Variants in PARP8 observed in about 807,000 individuals in gnomAD.
PARP8 encodes poly(ADP-ribose) polymerase family member 8.
In PARP8, 51 loss-of-function variants were observed where a neutral mutation model predicts 124.1. The ratio of observed to expected loss-of-function variants is 0.41; its 90% CI spans 0.33 to 0.52. PARP8 has a LOEUF of 0.52. PARP8 is among the 20% of genes least tolerant of loss of function. PARP8 has a pLI of 0.21. For missense variants in PARP8, 860 were observed against 1,018.9 expected (o/e 0.84, Z 2.12); for synonymous variants, 391 against 361.5 (o/e 1.08, Z -0.93).
chr5:50,792,016 G>A (rs27462), intron 10 of PARP8, among the ~76,000 whole-genome samples: 152,285 of 152,352 alleles, frequency 1, 76,109 homozygotes, highest in Middle Eastern at 1. Flanking sequence ...GTAAAACAGT[G>A]TGATGTCATC....
intron 22 of PARP8, 94 bp from the exon 23 acceptor site, chr5:50,832,687 T>C (rs532150194): frequency 6.5e-6 from 8 of 1,239,904 alleles, no homozygotes; most frequent in Middle Eastern, 1.9e-4. Flanking sequence ...ATCAAACCTT[T>C]ACCTAGAATG....
chr5:50,745,998 A>G (rs781418262), intron 2 of PARP8, among the ~76,000 whole-genome samples: 1 of 152,138 alleles, frequency 6.6e-6, no homozygotes, highest in Admixed American at 6.5e-5. Context: ...CTGAGGTCCA[A>G]CATCTGCCAT....
chr5:50,786,632 T>C (rs1044269536), intron 9 of PARP8, among the ~76,000 whole-genome samples: 6 of 151,632 alleles, frequency 4.0e-5, no homozygotes, highest in Non-Finnish European at 8.8e-5. Flanking sequence ...CCTCCCAAAG[T>C]ATTGGGGTTA....
intron 2 of PARP8, among the ~76,000 whole-genome samples, chr5:50,674,817 T>C (rs1043953163): frequency 6.6e-6 from 1 of 152,230 alleles, no homozygotes; most frequent in African/African-American, 2.4e-5. Context: ...GTTCATTGTA[T>C]TTTTTCCTTG....
In PARP8 at chr5:50,788,598, G is replaced by A. The variant is rs1170451373; in HGVS notation, c.737+9G>A. ...GGACATCAGCTGAAAAAGTAAGTTT[G>A]CTAAAGTGCAAAAAATAAATTTCTG... On this transcript the variant is annotated intron_variant, in intron 10 of 25. Transcript: ENST00000281631. The A allele has an allele frequency of 1.9e-6, 3 of 1,606,566 alleles. No homozygotes were observed. The highest frequency in any genetic ancestry group is 2.7e-5 in the African/African-American group (2 of 74,704).
intron 2 of PARP8, among the ~76,000 whole-genome samples, chr5:50,733,055 A>G (rs954782941): frequency 6.6e-6 from 1 of 151,906 alleles, no homozygotes; most frequent in Admixed American, 6.5e-5. Flanking sequence ...TAATGCCAGC[A>G]CTTTGGGAGG....
intron 2 of PARP8, chr5:50,668,495 A>G (rs1261348727): frequency 5.8e-6 from 1 of 173,632 alleles, no homozygotes; most frequent in Non-Finnish European, 1.2e-5. Context: ...AAATAGTTTG[A>G]TCAGAAGTGT....
At chr5:50,813,834 GAC>G in intron 14 of PARP8, among the ~76,000 whole-genome samples, 1 of 151,900 alleles carries the variant, frequency 6.6e-6, no homozygotes, top group South Asian at 2.1e-4. Flanking sequence ...CACGCACACA[GAC>G]ACGCACACAC....
Position 50,798,664 on chromosome 5 carries a change from C to T in PARP8, c.1575+1431C>T, listed in dbSNP as rs372802935. Among the ~76,000 whole-genome samples, 50 of 152,204 alleles carry T rather than the reference C, an allele frequency of 3.3e-4. 1 individual carries two copies. The East Asian group carries it at 7.2e-3, about 22-fold the overall frequency. On this transcript the variant is annotated intron_variant, in intron 14 of 25. Transcript: ENST00000281631. Reference sequence around the variant, plus strand: ...GTCTCGATCTCCTGACCTTGTGATTCACCAGCCTCGGCCTCCCAAAGTGTT... The same window carrying T: ...GTCTCGATCTCCTGACCTTGTGATTTACCAGCCTCGGCCTCCCAAAGTGTT...
intron 3 of PARP8, among the ~76,000 whole-genome samples, chr5:50,750,950 C>T (rs111624960): frequency 2.0e-5 from 3 of 152,182 alleles, no homozygotes; most frequent in African/African-American, 7.2e-5. Flanking sequence ...GTTATGCAGT[C>T]AGCCCTGTCT....
At chr5:50,717,064 C>A (rs976407292) in intron 2 of PARP8, among the ~76,000 whole-genome samples, 2 of 151,974 alleles carry the variant, frequency 1.3e-5, no homozygotes, top group African/African-American at 4.8e-5. Context: ...GGATTTTATT[C>A]TAACTATGAA....
chr5:50,730,854 C>T (rs901007128), intron 2 of PARP8, among the ~76,000 whole-genome samples: 2 of 152,186 alleles, frequency 1.3e-5, no homozygotes, highest in African/African-American at 2.4e-5. Flanking sequence ...GAAGAAATTA[C>T]TGCATAAACT....
chr5:50,671,342 C>T (rs1749984657), intron 2 of PARP8, among the ~76,000 whole-genome samples: 1 of 151,988 alleles, frequency 6.6e-6, no homozygotes, highest in African/African-American at 2.4e-5. Context: ...AGGCTGAGTC[C>T]CTGGGGCCAG....
intron 3 of PARP8, among the ~76,000 whole-genome samples, chr5:50,755,820 A>G (rs1405305368): frequency 6.6e-6 from 1 of 152,132 alleles, no homozygotes; most frequent in African/African-American, 2.4e-5. Context: ...TGAGCATGGA[A>G]TGTTCTTCCA....
chr5:50,794,477 C>A, intron 11 of PARP8, 145 bp downstream of exon 11: 1 of 877,820 alleles, frequency 1.1e-6, no homozygotes, highest in Non-Finnish European at 1.7e-6. Context: ...TGCATTCCAT[C>A]AAAAACATAT....
chr5:50,778,130 G>GT lies in PARP8; in HGVS notation c.579+2dup. 6.3e-7 allele frequency: 1 copy of GT among 1,591,272 alleles called. No homozygotes were observed. The highest frequency in any genetic ancestry group is 1.1e-5 in the South Asian group (1 of 88,604). ...GCATATCGATGTTAGCTTTCTTGAT[G>GT]TAAGTATCAATTTTATGTAATATGA... On this transcript the variant is annotated splice_donor_variant, in intron 8 of 25. Coordinates refer to ENST00000281631, the MANE Select transcript of PARP8 (RefSeq NM_024615.4). LOFTEE classifies it high-confidence loss of function.
chr5:50,699,050 C>T (rs901616473), intron 2 of PARP8, among the ~76,000 whole-genome samples: 1 of 152,148 alleles, frequency 6.6e-6, no homozygotes, highest in African/African-American at 2.4e-5. Flanking sequence ...AATGAGGACA[C>T]AGTGGTGTCA....
rs190864267 is a variant in PARP8, at chr5:50,759,021, T to C, written c.185-622T>C. Among the ~76,000 whole-genome samples, 137 of 152,266 alleles carry C rather than the reference T, an allele frequency of 9.0e-4. 1 individual carries two copies. Among genetic ancestry groups the C allele is most frequent in the African/African-American group, 2.8e-3 (118 of 41,548 alleles). ...ATATGTATTAGAGCAATATGGAAGG[T>C]ATGATTTACAACAAAGTCTTCAGCT... On this transcript the variant is annotated intron_variant, in intron 3 of 25. Transcript: ENST00000281631.
chr5:50,687,013 T>G (rs1457338456), intron 2 of PARP8, among the ~76,000 whole-genome samples: 1 of 152,236 alleles, frequency 6.6e-6, no homozygotes, highest in East Asian at 1.9e-4. Flanking sequence ...TTCTAGTTAC[T>G]TATGCAAATT....
Sources: allele counts gnomAD v4.1 joint callset (sites outside exome capture counted in the v4.1 genomes callset), GRCh38; gene constraint gnomAD v4.1.1; transcripts MANE v1.5; gene names NCBI Gene and HGNC (gene_info 2026-07-23, HGNC 2026-07-21).